The following TMEM266 variants were observed in gnomAD, a reference collection of about 807,000 sequenced individuals.
The protein encoded by TMEM266 is transmembrane protein 266.
TMEM266 carries 33 observed loss-of-function variants against 50.5 expected under a neutral mutation model. The observed-to-expected ratio is 0.65, with a 90% CI of 0.50 to 0.87. TMEM266 has a LOEUF of 0.87. Ranked by LOEUF, TMEM266 falls within the 40% of genes least tolerant of loss-of-function variation. TMEM266 has a pLI of 0.00. For synonymous variants in TMEM266, 310 were observed against 292.3 expected (o/e 1.06, Z -0.62); for missense variants, 655 against 695.1 (o/e 0.94, Z 0.65).
At position 76,170,868 on chromosome 15, in the gene TMEM266, G is replaced by A. The variant is rs567903849; in HGVS notation, c.514-125G>A. The A allele has an allele frequency of 1.7e-5, 20 of 1,187,814 alleles. 1 individual carries two copies. The East Asian group carries it at 3.1e-4, about 19-fold the overall frequency. 73.6% of individuals were successfully genotyped at this position (1,187,814 alleles called of 1,614,324 possible). ...GTCAGGAGGGGCCACCCGGGGTGGG[G>A]TGGCCTTCTGGTGGGGGCCCGGGCT... On this transcript the variant is annotated intron_variant, in intron 6 of 10. Coordinates refer to ENST00000388942, the MANE Select transcript of TMEM266 (RefSeq NM_152335.3).
At chr15:76,167,747 C>T (rs1449663376) in intron 5 of TMEM266, among the ~76,000 whole-genome samples, 4 of 151,984 alleles carry the variant, frequency 2.6e-5, no homozygotes, top group Non-Finnish European at 5.9e-5. Flanking sequence ...GCGATCTGCC[C>T]GCCTTGCCCT....
chr15:76,179,432 T>TGGGGGCACACAGCTAGTCCAG (rs1409552308), intron 8 of TMEM266, among the ~76,000 whole-genome samples: 1 of 152,210 alleles, frequency 6.6e-6, no homozygotes, highest in Non-Finnish European at 1.5e-5. Context: ...CAGCTCGCCT[T>TGGGGGCACACAGCTAGTCCAG]GGGGGCACAC....
At chr15:76,192,970 C>G (rs867401150) in intron 9 of TMEM266, among the ~76,000 whole-genome samples, 1 of 152,238 alleles carries the variant, frequency 6.6e-6, no homozygotes, top group Non-Finnish European at 1.5e-5. Context: ...CCAGGAGCCA[C>G]TCTGCCTTGG....
intron 1 of TMEM266, among the ~76,000 whole-genome samples, chr15:76,070,265 G>A (rs1165580226): frequency 6.6e-6 from 1 of 152,214 alleles, no homozygotes; most frequent in East Asian, 1.9e-4. Context: ...TTCCAGTTAG[G>A]AAGAAGGAGG....
chr15:76,198,934 G>GACTGACGCCT (rs1555453575), intron 9 of TMEM266, among the ~76,000 whole-genome samples: 1 of 152,234 alleles, frequency 6.6e-6, no homozygotes, highest in Non-Finnish European at 1.5e-5. Context: ...AGCAGAGGGA[G>GACTGACGCCT]TAGGGACAGG....
At chr15:76,095,613 A>T (rs2036910988) in intron 1 of TMEM266, among the ~76,000 whole-genome samples, 1 of 152,000 alleles carries the variant, frequency 6.6e-6, no homozygotes, top group African/African-American at 2.4e-5. Context: ...TGGTATCAGG[A>T]TGATGCTGGC....
chr15:76,128,699 G>A (rs1405644434), intron 1 of TMEM266, among the ~76,000 whole-genome samples: 7 of 152,192 alleles, frequency 4.6e-5, no homozygotes, highest in Non-Finnish European at 1.0e-4. Context: ...TCTAAAATGT[G>A]CTGCTTGTTA....
intron 7 of TMEM266, among the ~76,000 whole-genome samples, chr15:76,174,612 A>T (rs1317976527): frequency 6.6e-6 from 1 of 152,166 alleles, no homozygotes; most frequent in Non-Finnish European, 1.5e-5. Flanking sequence ...TCACCAAAAA[A>T]TCTAAGTCTG....
intron 1 of TMEM266, among the ~76,000 whole-genome samples, chr15:76,129,513 T>C (rs4886480): frequency 0.18 from 27,173 of 151,884 alleles, 3,083 homozygotes; most frequent in East Asian, 0.44. Flanking sequence ...TGGTGGTACA[T>C]GCCTGTAATC....
chr15:76,192,318 G>A (rs1466941256), intron 9 of TMEM266, among the ~76,000 whole-genome samples, 161 bp downstream of exon 9: 1 of 152,078 alleles, frequency 6.6e-6, no homozygotes, highest in Non-Finnish European at 1.5e-5. Context: ...CAGTAGCCTC[G>A]GTACTGCCTG....
chr15:76,108,289 C>T (rs575496211), intron 1 of TMEM266, among the ~76,000 whole-genome samples: 2 of 152,316 alleles, frequency 1.3e-5, no homozygotes, highest in South Asian at 2.1e-4. Context: ...GAGGCACCCT[C>T]GGGTTTGCTC....
intron 1 of TMEM266, among the ~76,000 whole-genome samples, chr15:76,115,127 C>T (rs1415810292): frequency 2.0e-5 from 3 of 152,140 alleles, no homozygotes; most frequent in Non-Finnish European, 4.4e-5. Flanking sequence ...AAAGAAATAT[C>T]CCTTGTCTTT....
chr15:76,063,925 C>T (rs906729918), intron 1 of TMEM266, among the ~76,000 whole-genome samples: 7 of 152,164 alleles, frequency 4.6e-5, no homozygotes, highest in Non-Finnish European at 7.3e-5. Context: ...ATCTGGCTTA[C>T]TCTTGAGCCG....
chr15:76,108,917 G>A (rs570974242), intron 1 of TMEM266: 2 of 152,260 alleles, frequency 1.3e-5, no homozygotes, highest in South Asian at 2.1e-4. Flanking sequence ...TTTACTATCT[G>A]TAGAAATTTT....
chr15:76,110,105 T>C (rs1267883400), intron 1 of TMEM266, among the ~76,000 whole-genome samples: 2 of 152,114 alleles, frequency 1.3e-5, no homozygotes, highest in Admixed American at 6.5e-5. Context: ...GTTCAAGCGA[T>C]TCTCCTGCCT....
chr15:76,190,367 T>C (rs977182758), intron 8 of TMEM266, among the ~76,000 whole-genome samples: 1 of 152,204 alleles, frequency 6.6e-6, no homozygotes, highest in African/African-American at 2.4e-5. Context: ...ATGGTGCACG[T>C]GCTTTGTAAG....
At chr15:76,106,340 A>T (rs8028454) in intron 1 of TMEM266, among the ~76,000 whole-genome samples, 1 of 151,874 alleles carries the variant, frequency 6.6e-6, no homozygotes, top group Non-Finnish European at 1.5e-5. Flanking sequence ...GATTTCCCCC[A>T]TCCTTTCTAC....
At chr15:76,188,308 T>C (rs2038518495) in intron 8 of TMEM266, among the ~76,000 whole-genome samples, 2 of 152,104 alleles carry the variant, frequency 1.3e-5, no homozygotes, top group South Asian at 4.1e-4. Flanking sequence ...CTTCTTCACA[T>C]GGCAGCAGCA....
At chr15:76,193,053 A>T (rs1260140492) in intron 9 of TMEM266, among the ~76,000 whole-genome samples, 1 of 152,150 alleles carries the variant, frequency 6.6e-6, no homozygotes, top group Non-Finnish European at 1.5e-5. Flanking sequence ...AAGAGGCCTG[A>T]GCTCCAGCCT....
Sources: allele counts gnomAD v4.1 joint callset (sites outside exome capture counted in the v4.1 genomes callset), GRCh38; gene constraint gnomAD v4.1.1; transcripts MANE v1.5; gene names NCBI Gene and HGNC (gene_info 2026-07-23, HGNC 2026-07-21).